Variants in NME9 observed in about 807,000 individuals in gnomAD.
NME9 encodes the protein NME/NM23 family member 9, also known as thioredoxin domain-containing protein 6.
A neutral mutation model predicts 44.4 loss-of-function variants in NME9; 48 were observed. The ratio of observed to expected loss-of-function variants is 1.08; its 90% CI spans 0.86 to 1.37. The LOEUF (loss-of-function observed/expected upper bound fraction) is 1.37, where lower values mean the gene tolerates loss of function less well. Ranked by LOEUF, NME9 falls within the 40% of genes most tolerant of loss-of-function variation. NME9 has a pLI of 0.00. For synonymous variants in NME9, 139 were observed against 147.1 expected (o/e 0.94, Z 0.40); for missense variants, 325 against 405.2 (o/e 0.80, Z 1.70).
intron 9 of NME9, 87 bp downstream of exon 9, chr3:138,304,786 T>A: frequency 3.0e-6 from 4 of 1,329,362 alleles, no homozygotes; most frequent in East Asian, 4.6e-5. Context: ...GTGTTACCCA[T>A]GATTCTAGGC....
chr3:138,301,690 C>A lies in NME9; in HGVS notation c.943G>T (p.Ala315Ser), dbSNP rs779356811. 3.3e-6 allele frequency: 5 copies of A among 1,536,124 alleles called. No homozygotes were observed. The highest frequency in any genetic ancestry group is 1.7e-6 in the Non-Finnish European group (2 of 1,146,876). ...TEAPQGGEAE[A>S]TAGPTEALCF... ...AGCGCCTCAGTGGGCCCCGCTGTTG[C>A]TTCAGCCTCACCGCCTGTGGGATGA... is the stretch of plus-strand genomic sequence containing the variant. Residue 315 changes from alanine (A) to serine (S), a missense_variant, in exon 11 of 11, where the codon GCA becomes TCA. Coordinates refer to ENST00000333911, the MANE Select transcript of NME9 (RefSeq NM_001349018.2).
intron 8 of NME9, chr3:138,289,211 G>A: frequency 9.9e-7 from 1 of 1,005,434 alleles, no homozygotes; most frequent in Non-Finnish European, 1.5e-6. Context: ...ATCCTGGGCA[G>A]AGGCTCTGTT....
chr3:138,314,355 T>G lies in NME9; in HGVS notation c.437A>C (p.Asn146Thr), dbSNP rs750412761. Residue 146 changes from asparagine (N) to threonine (T), a missense_variant, in exon 6 of 11, where the codon AAT becomes ACT. Coordinates refer to ENST00000333911, the MANE Select transcript of NME9 (RefSeq NM_001349018.2). The stretch of plus-strand genomic sequence containing the variant: ...ACCCATGTCCTCATCTTCACCATTA[T>G]TCTTTCCATGGGAAACACATTCATC... Reference protein sequence around the residue: ...DEDECVSHGKNNGEDEDMVSS... With the variant: ...DEDECVSHGKTNGEDEDMVSS... The G allele has an allele frequency of 6.2e-7, 1 of 1,608,834 alleles. No homozygotes were observed. Among genetic ancestry groups the G allele is most frequent in the South Asian group, 1.1e-5 (1 of 90,722 alleles).
Position 138,329,430 on chromosome 3 carries a change from G to A in NME9, c.-95C>T. 1 of 1,527,714 alleles carries A rather than the reference G, an allele frequency of 6.5e-7. No homozygotes were observed. Among genetic ancestry groups the A allele is most frequent in the Non-Finnish European group, 8.7e-7 (1 of 1,142,946 alleles). The allele number at this position is 1,527,714 out of a possible 1,614,324, so 94.6% of individuals were successfully genotyped here. On this transcript the variant is annotated 5_prime_UTR_variant, in exon 1 of 11. Transcript: ENST00000333911. Reference sequence around the variant, plus strand: ...CGCTGCGTGGATCAGCAAGCCCAGAGCCTCCTTCAGACAAGCCCCCCTCCT... The same window carrying A: ...CGCTGCGTGGATCAGCAAGCCCAGAACCTCCTTCAGACAAGCCCCCCTCCT...
intron 4 of NME9, among the ~76,000 whole-genome samples, chr3:138,317,644 G>A (rs565685783): frequency 1.3e-5 from 2 of 152,328 alleles, no homozygotes; most frequent in Non-Finnish European, 1.5e-5. Context: ...AAATAAAAGT[G>A]AATGAAGAGC....
Position 138,272,148 on chromosome 3 carries a change from C to A in NME9, c.746-9562G>T, listed in dbSNP as rs559662177. ...ACTGGTAGCTCAGACACACCTCCTA[C>A]CCTCTGGAGAGCTTCCTGTGTGATA... is the stretch of plus-strand genomic sequence containing the variant. On this transcript the variant is annotated intron_variant, in intron 8 of 8. Coordinates refer to the NME9 transcript ENST00000317876. 2.9e-4 allele frequency among the ~76,000 whole-genome samples: 44 copies of A among 152,332 alleles called. No homozygotes were observed. The South Asian group carries it at 9.1e-3, about 32-fold the overall frequency.
intron 2 of NME9, among the ~76,000 whole-genome samples, chr3:138,320,996 C>A (rs2053431686): frequency 1.3e-5 from 2 of 152,188 alleles, no homozygotes; most frequent in African/African-American, 2.4e-5. Flanking sequence ...TTATGTACTA[C>A]CTATCTGTGG....
At chr3:138,268,763 G>C (rs1469865312) in intron 8 of NME9, among the ~76,000 whole-genome samples, 2 of 151,858 alleles carry the variant, frequency 1.3e-5, no homozygotes, top group Middle Eastern at 3.2e-3. Flanking sequence ...GCTTCAGAGC[G>C]AGACCCTGTC....
rs150700817 is a variant in NME9 at position 138,269,654 on chromosome 3, A to G, written c.746-7068T>C. 6.7e-4 allele frequency among the ~76,000 whole-genome samples: 102 copies of G among 152,286 alleles called. 1 individual carries two copies. The highest frequency in any genetic ancestry group is 2.2e-3 in the African/African-American group (91 of 41,564). ...CGTAAGCAATGCACAAGATGTACAC[A>G]TAAAGCAGAAAGTGACAGAGTCTCA... is the stretch of plus-strand genomic sequence containing the variant. On this transcript the variant is annotated intron_variant, in intron 8 of 8. Transcript: ENST00000317876.
At chr3:138,274,633 G>A in intron 8 of NME9, 1 of 941,472 alleles carries the variant, frequency 1.1e-6, no homozygotes. Flanking sequence ...CAAATCTGCA[G>A]AAGACAGAGT....
At chr3:138,283,644 C>G (rs531817250) in intron 8 of NME9, among the ~76,000 whole-genome samples, 4 of 152,282 alleles carry the variant, frequency 2.6e-5, no homozygotes, top group African/African-American at 7.2e-5. Context: ...GTATCCCTAT[C>G]ATAGTCCTTT....
chr3:138,265,784 G>C (rs946156750), intron 8 of NME9, among the ~76,000 whole-genome samples: 2 of 152,228 alleles, frequency 1.3e-5, no homozygotes, highest in African/African-American at 2.4e-5. Context: ...GGAAGAGTTA[G>C]ACCAATGCCA....
intron 8 of NME9, chr3:138,267,382 G>T (rs942205907): frequency 1.0e-5 from 5 of 502,240 alleles, no homozygotes; most frequent in East Asian, 3.2e-5. Context: ...AGCGGTAGGG[G>T]TGTGCAAATA....
chr3:138,289,871 A>T (rs1343544911), intron 8 of NME9, among the ~76,000 whole-genome samples: 2 of 152,260 alleles, frequency 1.3e-5, no homozygotes, highest in South Asian at 2.1e-4. Context: ...GAGCCAGTAT[A>T]TGAGTGGTCA....
At chr3:138,266,283 C>T (rs1216903052) in intron 8 of NME9, among the ~76,000 whole-genome samples, 1 of 152,086 alleles carries the variant, frequency 6.6e-6, no homozygotes, top group African/African-American at 2.4e-5. Flanking sequence ...TATTTACCTA[C>T]ACTCTACTCT....
intron 8 of NME9, chr3:138,267,109 C>CT (rs1450538260): frequency 2.0e-6 from 2 of 979,772 alleles, no homozygotes; most frequent in Non-Finnish European, 3.0e-6. Context: ...TATATCTCAT[C>CT]TTCATCATTC....
chr3:138,264,320 A>G, intron 8 of NME9: 1 of 763,044 alleles, frequency 1.3e-6, no homozygotes, highest in Non-Finnish European at 2.2e-6. Context: ...TTTTGTGTAG[A>G]GCATTTTGAA....
At chr3:138,320,790 C>T (rs907247898) in intron 2 of NME9, among the ~76,000 whole-genome samples, 1 of 152,068 alleles carries the variant, frequency 6.6e-6, no homozygotes, top group Non-Finnish European at 1.5e-5. Flanking sequence ...TCCTGGGCAG[C>T]CTGCTGGACC....
intron 9 of NME9, among the ~76,000 whole-genome samples, chr3:138,304,546 G>A (rs1319977850): frequency 2.0e-5 from 3 of 152,156 alleles, no homozygotes; most frequent in Non-Finnish European, 4.4e-5. Context: ...GCTTGAATGG[G>A]GCCCTAGAAT....
Sources: allele counts gnomAD v4.1 joint callset (sites outside exome capture counted in the v4.1 genomes callset), GRCh38; gene constraint gnomAD v4.1.1; transcripts MANE v1.5; gene names NCBI Gene and HGNC (gene_info 2026-07-23, HGNC 2026-07-21).